Variants in GOT1 observed in about 807,000 individuals in gnomAD.
GOT1 encodes the protein aspartate aminotransferase, cytoplasmic.
In GOT1, 25 loss-of-function variants were observed where a neutral mutation model predicts 48.2. That is an observed-to-expected ratio of 0.52 (90% CI 0.38 to 0.72). GOT1 has a LOEUF of 0.72. GOT1 is among the 30% of genes least tolerant of loss of function. The pLI, the probability that GOT1 is intolerant of heterozygous loss-of-function variation, is 0.00. For synonymous variants in GOT1, 188 were observed against 193.8 expected (o/e 0.97, Z 0.25); for missense variants, 380 against 520.1 (o/e 0.73, Z 2.62).
At chr10:99,421,260 T>G (rs1246108400) in intron 1 of GOT1, among the ~76,000 whole-genome samples, 1 of 152,212 alleles carries the variant, frequency 6.6e-6, no homozygotes, top group Non-Finnish European at 1.5e-5. Flanking sequence ...GCCTAGGTGC[T>G]ACTTCCACAT....
At chr10:99,420,357 T>G (rs1589942536) in intron 2 of GOT1, 1 of 373,106 alleles carries the variant, frequency 2.7e-6, no homozygotes. Context: ...TCCATTAAAT[T>G]CTTTCTACTT....
At chr10:99,413,274 C>G (rs913165719) in intron 2 of GOT1, among the ~76,000 whole-genome samples, 7 of 152,064 alleles carry the variant, frequency 4.6e-5, no homozygotes, top group South Asian at 2.1e-4. Flanking sequence ...AACCATGGCA[C>G]GAGAACTACA....
chr10:99,426,532 A>G (rs1190871007), intron 1 of GOT1, among the ~76,000 whole-genome samples: 2 of 152,230 alleles, frequency 1.3e-5, no homozygotes, highest in Non-Finnish European at 2.9e-5. Context: ...TAAAGCTAGC[A>G]GAGTTTATCT....
chr10:99,413,367 A>C lies in GOT1; in HGVS notation c.301-6518T>G, dbSNP rs541466209. On this transcript the variant is annotated intron_variant, in intron 2 of 8. Transcript: ENST00000370508. ...GATGGAAGATCAAATGAATGAAATG[A>C]AGTGAGAAGAGAAGTTTAGAGAAAA... 1.2e-4 allele frequency among the ~76,000 whole-genome samples: 18 copies of C among 152,346 alleles called. No homozygotes were observed. The East Asian group carries it at 3.5e-3, about 29-fold the overall frequency.
At chr10:99,427,507 G>C (rs2033055213) in intron 1 of GOT1, among the ~76,000 whole-genome samples, 1 of 152,172 alleles carries the variant, frequency 6.6e-6, no homozygotes, top group South Asian at 2.1e-4. Context: ...CTGACCTCGT[G>C]ATCCGCCCGC....
intron 2 of GOT1, among the ~76,000 whole-genome samples, chr10:99,415,188 C>A (rs1357327246): frequency 1.3e-5 from 2 of 152,040 alleles, no homozygotes; most frequent in African/African-American, 4.8e-5. Flanking sequence ...AATTGATAGA[C>A]CGCTAGCAAG....
chr10:99,406,871 C>CA (rs1391462798), intron 2 of GOT1, 22 bp from the exon 3 acceptor site: 5 of 1,612,254 alleles, frequency 3.1e-6, no homozygotes, highest in Non-Finnish European at 4.2e-6. Context: ...GAAACAGGGT[C>CA]ACAGGCTGAT....
chr10:99,399,398 C>T (rs547983758), intron 8 of GOT1, among the ~76,000 whole-genome samples: 29 of 152,306 alleles, frequency 1.9e-4, no homozygotes, highest in African/African-American at 6.5e-4. Context: ...CTTTCTATAA[C>T]CCCAAGATGG....
intron 1 of GOT1, among the ~76,000 whole-genome samples, chr10:99,424,655 T>C (rs1428142667): frequency 2.6e-5 from 4 of 152,240 alleles, no homozygotes; most frequent in Non-Finnish European, 5.9e-5. Flanking sequence ...TTACCACTAC[T>C]GAATACTCTG....
chr10:99,397,493 G>C lies in GOT1; in HGVS notation c.*54C>G. 6.3e-7 allele frequency: 1 copy of C among 1,581,906 alleles called. No homozygotes were observed. Among genetic ancestry groups the C allele is most frequent in the Non-Finnish European group, 8.7e-7 (1 of 1,152,430 alleles). On this transcript the variant is annotated 3_prime_UTR_variant, in exon 9 of 9. Coordinates refer to ENST00000370508, the MANE Select transcript of GOT1 (RefSeq NM_002079.3). The surrounding 1 kb of genome is among the most constrained non-coding windows in gnomAD (Gnocchi z 5.4). Reference sequence around the variant, plus strand: ...ATGTACATGTAGGTTTGTGCAGGCAGGGAACACACATGACAGAGAACTACT... The same window carrying C: ...ATGTACATGTAGGTTTGTGCAGGCACGGAACACACATGACAGAGAACTACT...
At chr10:99,398,134 G>T (rs2032623936) in intron 8 of GOT1, among the ~76,000 whole-genome samples, 1 of 152,178 alleles carries the variant, frequency 6.6e-6, no homozygotes, top group African/African-American at 2.4e-5. Flanking sequence ...ATTGGGTAAG[G>T]CCCCATGCAT....
In GOT1 at chr10:99,406,314, G is replaced by T. The variant is rs978538726; in HGVS notation, c.425-65C>A. 8 of 1,172,148 alleles carry T rather than the reference G, an allele frequency of 6.8e-6. 1 individual carries two copies. The East Asian group carries it at 1.6e-4, about 24-fold the overall frequency. The allele number at this position is 1,172,148 out of a possible 1,614,324, so 72.6% of individuals were successfully genotyped here. A position where few individuals can be genotyped will look rare whatever the true frequency, so the allele number is the denominator to read the frequency against. The stretch of plus-strand genomic sequence containing the variant: ...ACTAGGAGGCATGAGTGGAAAGGAT[G>T]CAAGTCAGCTTCCAGGGCCCTCCCA... On this transcript the variant is annotated intron_variant, in intron 3 of 8. Coordinates refer to ENST00000370508, the MANE Select transcript of GOT1 (RefSeq NM_002079.3).
chr10:99,401,666 CA>C (rs1308973026), intron 8 of GOT1, among the ~76,000 whole-genome samples: 71 of 140,424 alleles, frequency 5.1e-4, no homozygotes, highest in Admixed American at 5.0e-4. Context: ...GACTCCATCT[CA>C]AAAAAAAAAA....
At chr10:99,408,925 A>T (rs983088339) in intron 2 of GOT1, among the ~76,000 whole-genome samples, 41 of 152,050 alleles carry the variant, frequency 2.7e-4, no homozygotes, top group Non-Finnish European at 3.8e-4. Flanking sequence ...GATGTCTGGG[A>T]TTTACTATTA....
At chr10:99,406,990 A>C in intron 2 of GOT1, 141 bp from the exon 3 acceptor site, 1 of 722,386 alleles carries the variant, frequency 1.4e-6, no homozygotes, top group South Asian at 2.1e-5. Flanking sequence ...AAACCTTACA[A>C]CTACTACATG....
chr10:99,401,871 G>A (rs2032683751), intron 8 of GOT1, among the ~76,000 whole-genome samples: 1 of 151,346 alleles, frequency 6.6e-6, no homozygotes, highest in South Asian at 2.1e-4. Flanking sequence ...GCAGTGGTGC[G>A]GTCTCGACTC....
At chr10:99,429,519 T>C (rs2033087177) in intron 1 of GOT1, among the ~76,000 whole-genome samples, 1 of 152,190 alleles carries the variant, frequency 6.6e-6, no homozygotes, top group African/African-American at 2.4e-5. Flanking sequence ...TAAGACTTTA[T>C]CCTACCCATT....
At chr10:99,425,748 G>C (rs554274086) in intron 1 of GOT1, among the ~76,000 whole-genome samples, 1 of 152,082 alleles carries the variant, frequency 6.6e-6, no homozygotes, top group Admixed American at 6.6e-5. Context: ...AACACAAGGG[G>C]AAGATAGAAG....
intron 8 of GOT1, among the ~76,000 whole-genome samples, chr10:99,399,167 G>A (rs190774286): frequency 5.3e-5 from 8 of 152,320 alleles, no homozygotes; most frequent in Admixed American, 1.3e-4. Context: ...CTGCATGGCT[G>A]CAGCTAGGCT....
Sources: gnomAD v4.1 joint callset for allele counts (sites outside exome capture counted in the v4.1 genomes callset) on GRCh38, gnomAD v4.1.1 for gene constraint, Gnocchi (gnomAD v3.1) non-coding constraint, MANE v1.5 for transcripts, NCBI Gene and HGNC (gene_info 2026-07-23, HGNC 2026-07-21) for gene names.